KCND3: variants seen among roughly 807,000 people sequenced by gnomAD.
KCND3 encodes potassium voltage-gated channel subfamily D member 3, also known as A-type voltage-gated potassium channel KCND3.
Under a neutral mutation model 51.1 loss-of-function variants are expected in KCND3, and 9 were observed. That is an observed-to-expected ratio of 0.18 (90% CI 0.11 to 0.31). The LOEUF (loss-of-function observed/expected upper bound fraction) is 0.31. Ranked by LOEUF, KCND3 falls within the 10% of genes least tolerant of loss-of-function variation. The pLI is 1.00. For synonymous variants in KCND3, 349 were observed against 368.0 expected, an observed-to-expected ratio of 0.95 and a Z score of 0.59; for missense variants, 526 against 903.8, an observed-to-expected ratio of 0.58 and a Z score of 5.36.
intron 2 of KCND3, among the ~76,000 whole-genome samples, chr1:111,809,649 CCG>C (rs1491504490): frequency 6.9e-6 from 1 of 144,988 alleles, no homozygotes; most frequent in African/African-American, 2.7e-5. Context: ...GTCACATTTC[CCG>C]TGTGTGTGTG....
chr1:111,939,791 G>A (rs1448070029), intron 2 of KCND3, among the ~76,000 whole-genome samples: 1 of 152,156 alleles, frequency 6.6e-6, no homozygotes, highest in Non-Finnish European at 1.5e-5. Flanking sequence ...GATCCTTGAG[G>A]AATCGCCACA....
chr1:111,892,603 A>T (rs1412535186), intron 2 of KCND3, among the ~76,000 whole-genome samples: 2 of 152,258 alleles, frequency 1.3e-5, no homozygotes, highest in Non-Finnish European at 2.9e-5. Context: ...AGTACATTCT[A>T]TGAGGGAAGG....
intron 2 of KCND3, among the ~76,000 whole-genome samples, chr1:111,913,832 G>C (rs991775894): frequency 3.9e-5 from 6 of 152,132 alleles, no homozygotes; most frequent in African/African-American, 1.4e-4. Context: ...GGAGGTCAAG[G>C]CTGCAGCAAA....
chr1:111,776,782 A>T (rs1020324853), intron 7 of KCND3, among the ~76,000 whole-genome samples: 2 of 151,674 alleles, frequency 1.3e-5, no homozygotes, highest in African/African-American at 4.9e-5. Context: ...ATATATAATT[A>T]TTTTTAAAGT....
At chr1:111,833,832 A>T (rs1666957008) in intron 2 of KCND3, among the ~76,000 whole-genome samples, 1 of 152,190 alleles carries the variant, frequency 6.6e-6, no homozygotes, top group Non-Finnish European at 1.5e-5. Flanking sequence ...AACCTTTAAA[A>T]AGAACAAACT....
chr1:111,827,921 A>C (rs1179199173), intron 2 of KCND3, among the ~76,000 whole-genome samples: 3 of 152,168 alleles, frequency 2.0e-5, no homozygotes, highest in Non-Finnish European at 4.4e-5. Flanking sequence ...GGGATAGAGA[A>C]TAAGAGAAAA....
At chr1:111,915,752 C>CAA (rs35574221) in intron 2 of KCND3, among the ~76,000 whole-genome samples, 12,425 of 65,926 alleles carry the variant, frequency 0.19, 1,584 homozygotes, top group Non-Finnish European at 0.26. Context: ...GACTCTGTCT[C>CAA]AAAAAAAAAA....
intron 3 of KCND3, among the ~76,000 whole-genome samples, chr1:111,785,633 T>C (rs918117313): frequency 6.6e-6 from 1 of 152,230 alleles, no homozygotes; most frequent in Non-Finnish European, 1.5e-5. Context: ...CACAATTATA[T>C]GTAAATTGTT....
chr1:111,933,380 C>T (rs1380311341), intron 2 of KCND3, among the ~76,000 whole-genome samples: 1 of 152,176 alleles, frequency 6.6e-6, no homozygotes, highest in East Asian at 1.9e-4. Context: ...AGCACAGCCC[C>T]AGTCACTTAG....
At chr1:111,794,225 AC>A (rs1293629694) in intron 2 of KCND3, among the ~76,000 whole-genome samples, 2 of 152,214 alleles carry the variant, frequency 1.3e-5, no homozygotes, top group Non-Finnish European at 1.5e-5. Flanking sequence ...GGATAATTAA[AC>A]TTTTTATCTG....
Position 111,981,972 on chromosome 1 carries a change from T to C in KCND3, c.755A>G (p.Tyr252Cys), listed in dbSNP as rs1427236475. The C allele has an allele frequency of 1.2e-6, 2 of 1,613,750 alleles. No homozygotes were observed. Among genetic ancestry groups the C allele is most frequent in the African/African-American group, 2.7e-5 (2 of 74,842 alleles). The change falls in exon 2 of 8, where the codon TAC becomes TGC. Residue 252 changes from tyrosine (Y) to cysteine (C), a missense_variant. Physicochemically the swap from Tyr to Cys is radical, Grantham distance 194. Transcript: ENST00000302127. The surrounding 1 kb of genome is among the most constrained non-coding windows in gnomAD (Gnocchi z 6.2). Reference sequence around the variant, plus strand: ...GCTCATGACGCTGCGGATGAAGCGGTAGCGGCTGGGAGCCGCGAAGAGCCG... The same window carrying C: ...GCTCATGACGCTGCGGATGAAGCGGCAGCGGCTGGGAGCCGCGAAGAGCCG... ...LLRLFAAPSRYRFIRSVMSII... is the reference protein window; with the variant it reads ...LLRLFAAPSRCRFIRSVMSII...
chr1:111,925,053 C>T (rs1671640718), intron 2 of KCND3, among the ~76,000 whole-genome samples: 1 of 152,216 alleles, frequency 6.6e-6, no homozygotes, highest in African/African-American at 2.4e-5. Flanking sequence ...TCAGACCTCA[C>T]CTCAAATGCC....
rs1557768448 is a variant in KCND3, at chr1:111,982,358, G to A, written c.369C>T (p.Ile123=). The change falls in exon 2 of 8, where the codon ATC becomes ATT. Residue 123 remains isoleucine (I), a synonymous_variant. Transcript: ENST00000302127. The surrounding 1 kb of genome is among the most constrained non-coding windows in gnomAD (Gnocchi z 8.5). ...AYDDELAFYG[I]LPEIIGDCCY... ...AGCAGTCCCCGATGATCTCCGGGAG[G>A]ATGCCGTAGAAGGCCAGCTCGTCGT... 1 of 1,614,192 alleles carries A rather than the reference G, an allele frequency of 6.2e-7. No homozygotes were observed. Among genetic ancestry groups the A allele is most frequent in the South Asian group, 1.1e-5 (1 of 91,082 alleles).
At chr1:111,786,808 G>C in intron 3 of KCND3, 136 bp downstream of exon 3, 1 of 1,009,048 alleles carries the variant, frequency 9.9e-7, no homozygotes, top group Non-Finnish European at 1.5e-6. Flanking sequence ...AGCAGGAAGG[G>C]ACTGAAGCTA....
chr1:111,790,273 A>G (rs573143719), intron 2 of KCND3, among the ~76,000 whole-genome samples: 196 of 152,358 alleles, frequency 1.3e-3, no homozygotes, highest in Non-Finnish European at 2.2e-3. Flanking sequence ...TGGGTTTTAT[A>G]TCCCCAGGGT....
Position 111,775,818 on chromosome 1 carries a change from G to GCC in KCND3, c.*258_*259insGG. The stretch of plus-strand genomic sequence containing the variant: ...AGCCTATATCCCCCGGCCTATCCCC[G>GCC]ACCCCCCCACCCTCCCTCCCTTCCT... On this transcript the variant is annotated 3_prime_UTR_variant, in exon 8 of 8. Transcript: ENST00000302127. 5.0e-5 allele frequency: 5 copies of GCC among 99,730 alleles called. No individual in the cohort carries two copies. Among genetic ancestry groups the GCC allele is most frequent in the East Asian group, 2.4e-4 (1 of 4,238 alleles). 6.2% of individuals were successfully genotyped at this position (99,730 alleles called of 1,614,324 possible). A position where few individuals can be genotyped will look rare whatever the true frequency, so the allele number is the denominator to read the frequency against.
chr1:111,868,552 C>T (rs1193818986), intron 2 of KCND3, among the ~76,000 whole-genome samples: 1 of 152,110 alleles, frequency 6.6e-6, no homozygotes, highest in African/African-American at 2.4e-5. Context: ...CCCCCATGGG[C>T]ATGGGGGGGA....
rs531872594 is a variant in KCND3 at position 111,775,402 on chromosome 1, C to T, written c.*675G>A. On this transcript the variant is annotated 3_prime_UTR_variant, in exon 8 of 8. Coordinates refer to ENST00000302127, the MANE Select transcript of KCND3 (RefSeq NM_001378969.1). The stretch of plus-strand genomic sequence containing the variant: ...CAGCTGGGCAGTGGGGGCCCAGGCT[C>T]AGTTGACCTCACCCACCTGGGGGAA... 5 of 159,652 alleles carry T rather than the reference C, an allele frequency of 3.1e-5. No individual in the cohort carries two copies. Among genetic ancestry groups the T allele is most frequent in the African/African-American group, 4.8e-5 (2 of 41,576 alleles). The allele number at this position is 159,652 out of a possible 1,614,324, so 9.9% of individuals were successfully genotyped here.
intron 2 of KCND3, among the ~76,000 whole-genome samples, chr1:111,849,238 C>T (rs940009935): frequency 1.3e-5 from 2 of 152,212 alleles, no homozygotes; most frequent in African/African-American, 2.4e-5. Flanking sequence ...CAGTGACTCT[C>T]GACTCTTAAT....
Sources: gnomAD v4.1 joint callset for allele counts (sites outside exome capture counted in the v4.1 genomes callset) on GRCh38, gnomAD v4.1.1 for gene constraint, Gnocchi (gnomAD v3.1) non-coding constraint, MANE v1.5 for transcripts, NCBI Gene and HGNC (gene_info 2026-07-23, HGNC 2026-07-21) for gene names.